The following DOCK9 variants were observed in gnomAD, a reference collection of about 807,000 sequenced individuals.
DOCK9 encodes the protein dedicator of cytokinesis protein 9.
Under a neutral mutation model 263.3 loss-of-function variants are expected in DOCK9, and 89 were observed. That is an observed-to-expected ratio of 0.34 (90% confidence interval 0.28 to 0.40). The LOEUF (loss-of-function observed/expected upper bound fraction) is 0.40. Among genes scored for constraint, DOCK9 ranks in the 10% least tolerant of loss-of-function variants. DOCK9 has a pLI of 1.00. For missense variants in DOCK9, 2,140 were observed against 2,603.4 expected, an observed-to-expected ratio of 0.82 and a Z score of 3.87; for synonymous variants, 976 against 973.1, an observed-to-expected ratio of 1.00 and a Z score of -0.06.
chr13:99,058,623 T>G lies in DOCK9; in HGVS notation c.129+27600A>C, dbSNP rs550022082. Among the ~76,000 whole-genome samples the G allele has an allele frequency of 2.0e-5, 3 of 152,162 alleles. No homozygotes were observed. The East Asian group carries it at 5.8e-4, about 29-fold the overall frequency. ...TATGTGCCCCATAGAGCCAGGGCCA[T>G]TTACCAAGGGTTCCCCCCATCCACC... On this transcript the variant is annotated intron_variant, in intron 1 of 32. Coordinates refer to the DOCK9 transcript ENST00000427887.
At chr13:98,956,615 C>T (rs1405564641) in intron 1 of DOCK9, among the ~76,000 whole-genome samples, 1 of 152,170 alleles carries the variant, frequency 6.6e-6, no homozygotes, top group East Asian at 1.9e-4. Context: ...GGCGTGGTGG[C>T]ATACGCTTGT....
chr13:98,981,722 T>C (rs910446762), upstream of DOCK9, among the ~76,000 whole-genome samples: 3 of 152,198 alleles, frequency 2.0e-5, no homozygotes, highest in Non-Finnish European at 2.9e-5. Flanking sequence ...GGAATCTGAC[T>C]GTCAAGGAGA....
chr13:98,800,691 T>C (rs953286560), intron 49 of DOCK9, among the ~76,000 whole-genome samples: 2 of 152,060 alleles, frequency 1.3e-5, no homozygotes, highest in African/African-American at 4.8e-5. Context: ...GTCAAGAGAG[T>C]TGGGTCCTTG....
chr13:98,877,757 G>C (rs1288167609), intron 27 of DOCK9, among the ~76,000 whole-genome samples: 6 of 152,140 alleles, frequency 3.9e-5, no homozygotes, highest in African/African-American at 1.2e-4. Context: ...TGAACTCCTT[G>C]AGGGCAAAAA....
Position 98,868,327 on chromosome 13 carries a change from G to C in DOCK9, c.2994C>G (p.Thr998=). 1 of 1,613,772 alleles carries C rather than the reference G, an allele frequency of 6.2e-7. No homozygotes were observed. The highest frequency in any genetic ancestry group is 8.5e-7 in the Non-Finnish European group (1 of 1,179,826). The change falls in exon 28 of 53, where the codon ACC becomes ACG. Residue 998 remains threonine (T), a synonymous_variant. Transcript: ENST00000682017. Reference sequence around the variant, plus strand: ...TGTGTGGCATCAGCATATTTACAACGGTTTCCACTGCATGATGATAGGATG... The same window carrying C: ...TGTGTGGCATCAGCATATTTACAACCGTTTCCACTGCATGATGATAGGATG... The part of the protein sequence containing the change: ...FPASYHHAVE[T]VVNMLMPHIT...
chr13:98,866,850 A>G (rs931360580), intron 30 of DOCK9, among the ~76,000 whole-genome samples: 13 of 152,230 alleles, frequency 8.5e-5, no homozygotes, highest in African/African-American at 3.1e-4. Context: ...CAGTGACTTC[A>G]GGAGCAAAAA....
At position 98,902,408 on chromosome 13, in the gene DOCK9, G is replaced by A. The variant is rs761970284; in HGVS notation, c.1260C>T (p.Asn420=). 1.1e-5 allele frequency: 17 copies of A among 1,614,018 alleles called. No homozygotes were observed. In the South Asian group the frequency reaches 1.9e-4, roughly 18 times the overall value. The change falls in exon 12 of 53, where the codon AAC becomes AAT. Residue 420 remains asparagine, a synonymous_variant. Transcript: ENST00000682017. ...CGAGCATTTGCCTCACTGAGAAATG[G>A]TTCAGGTCTACGTGGAAATCGGCAG... The part of the protein sequence containing the change: ...KISADFHVDL[N]HFSVRQMLAT...
chr13:98,840,954 T>C (rs1441885956), intron 38 of DOCK9, among the ~76,000 whole-genome samples: 3 of 152,246 alleles, frequency 2.0e-5, no homozygotes, highest in African/African-American at 7.2e-5. Flanking sequence ...GTCTCCTAGA[T>C]ACCTATTAAC....
chr13:99,000,192 G>A (rs1367955641), intron 1 of DOCK9, among the ~76,000 whole-genome samples: 2 of 152,098 alleles, frequency 1.3e-5, no homozygotes, highest in Non-Finnish European at 2.9e-5. Context: ...TTATAAATAT[G>A]CCACAATCCT....
intron 27 of DOCK9, among the ~76,000 whole-genome samples, chr13:98,869,456 G>A (rs1450399801): frequency 1.3e-5 from 2 of 152,206 alleles, no homozygotes; most frequent in African/African-American, 4.8e-5. Flanking sequence ...GGCATTTTCT[G>A]TTACATGAAG....
chr13:99,086,631 G>A (rs1337905640), upstream of DOCK9: 1 of 146,824 alleles, frequency 6.8e-6, no homozygotes, highest in Non-Finnish European at 1.5e-5. Flanking sequence ...TGGCGGCGGC[G>A]GCTCCCCCAT....
At chr13:98,965,813 A>G (rs1396257626) in intron 1 of DOCK9, among the ~76,000 whole-genome samples, 2 of 152,316 alleles carry the variant, frequency 1.3e-5, no homozygotes, top group African/African-American at 4.8e-5. Flanking sequence ...ATCTAAATAT[A>G]TTTTTCATGC....
At chr13:98,917,213 A>G (rs2051027655) in intron 7 of DOCK9, among the ~76,000 whole-genome samples, 1 of 152,228 alleles carries the variant, frequency 6.6e-6, no homozygotes, top group Non-Finnish European at 1.5e-5. Flanking sequence ...GGCCAGAAAC[A>G]GGCAGCAAAA....
At chr13:98,983,817 A>G (rs1255367450) in intron 1 of DOCK9, among the ~76,000 whole-genome samples, 1 of 151,988 alleles carries the variant, frequency 6.6e-6, no homozygotes, top group Non-Finnish European at 1.5e-5. Flanking sequence ...GAGTTTCACC[A>G]TGTAGGCCAG....
chr13:99,036,854 T>C (rs1004067040), intron 1 of DOCK9, among the ~76,000 whole-genome samples: 7 of 152,192 alleles, frequency 4.6e-5, no homozygotes, highest in African/African-American at 1.7e-4. Context: ...ATTTTTTTTA[T>C]AGCAGCTGGA....
intron 1 of DOCK9, among the ~76,000 whole-genome samples, chr13:99,007,481 G>C (rs1883550026): frequency 6.6e-6 from 1 of 152,184 alleles, no homozygotes; most frequent in Non-Finnish European, 1.5e-5. Context: ...GGGAGAAATA[G>C]AAATCAACTT....
chr13:98,917,253 C>T (rs555503592), intron 7 of DOCK9, among the ~76,000 whole-genome samples: 50 of 152,282 alleles, frequency 3.3e-4, no homozygotes, highest in Non-Finnish European at 4.6e-4. Context: ...TAATTACTTC[C>T]TACTTTAAAA....
At chr13:98,981,103 C>T (rs1334685678), upstream of DOCK9, among the ~76,000 whole-genome samples, 1 of 151,014 alleles carries the variant, frequency 6.6e-6, no homozygotes, top group Non-Finnish European at 1.5e-5. Context: ...GCTGCCCAGA[C>T]TGGAGTGCAG....
chr13:98,883,059 G>A lies in DOCK9; in HGVS notation c.2542C>T (p.Leu848Phe), dbSNP rs749324218. 1.4e-5 allele frequency: 23 copies of A among 1,613,668 alleles called. No homozygotes were observed. The highest frequency in any genetic ancestry group is 5.0e-5 in the Admixed American group (3 of 59,962). The part of the protein sequence containing the change: ...ESGAQALGNE[L>F]VKYLKSLHAM... ...TGTGATACCTTAAGGTACTTTACAAGTTCGTTTCCTAAGGCTTGGGCTCCA... is the reference window on the plus strand; with the variant it reads ...TGTGATACCTTAAGGTACTTTACAAATTCGTTTCCTAAGGCTTGGGCTCCA... Residue 848 changes from leucine to phenylalanine, a missense_variant, in exon 23 of 53, where the codon CTT becomes TTT. This residue lies in a region of DOCK9 where 1,521 missense variants were observed against 1,741.7 expected (regional missense o/e 0.87). Coordinates refer to ENST00000682017, the MANE Select transcript of DOCK9 (RefSeq NM_001366683.2).
Sources: gnomAD v4.1 joint callset for allele counts (sites outside exome capture counted in the v4.1 genomes callset) on GRCh38, gnomAD v4.1.1 for gene constraint, gnomAD v4.1.1 regional missense constraint, MANE v1.5 for transcripts, NCBI Gene and HGNC (gene_info 2026-07-23, HGNC 2026-07-21) for gene names.